Variants in C1orf159 observed in about 807,000 individuals in gnomAD.
C1orf159 encodes chromosome 1 open reading frame 159.
A neutral mutation model predicts 25.6 loss-of-function variants in C1orf159; 19 were observed. The ratio of observed to expected loss-of-function variants is 0.74; its 90% confidence interval spans 0.52 to 1.09. The LOEUF (loss-of-function observed/expected upper bound fraction) is 1.09. Among genes scored for constraint, C1orf159 ranks in the 50% least tolerant of loss-of-function variants. The pLI is 0.00. For synonymous variants in C1orf159, 139 were observed against 124.7 expected, an observed-to-expected ratio of 1.12 and a Z score of -0.77; for missense variants, 274 against 290.6, an observed-to-expected ratio of 0.94 and a Z score of 0.42.
rs564247458 is a variant in C1orf159, at chr1:1,106,801, C to T, written c.-136+9259G>A. The T allele has an allele frequency of 1.8e-3, 279 of 153,022 alleles. 2 individuals are homozygous for T. Among genetic ancestry groups the T allele is most frequent in the Non-Finnish European group, 3.4e-3 (234 of 68,632 alleles). The allele number at this position is 153,022 out of a possible 1,614,324, so 9.5% of individuals were successfully genotyped here. On this transcript the variant is annotated intron_variant, in intron 1 of 9. Transcript: ENST00000421241. Reference sequence around the variant, plus strand: ...GGAGGTGTGGAGGGAGAGCTGCAGGCGGGAACCGGGGCTGCATGCAGCGTG... The same window carrying T: ...GGAGGTGTGGAGGGAGAGCTGCAGGTGGGAACCGGGGCTGCATGCAGCGTG...
chr1:1,105,725 CA>C (rs1393938632), intron 1 of C1orf159, among the ~76,000 whole-genome samples: 1 of 144,340 alleles, frequency 6.9e-6, no homozygotes, highest in Non-Finnish European at 1.5e-5. Flanking sequence ...ACTTAAAACA[CA>C]AAAAAATTAG....
At chr1:1,099,092 G>A (rs549140997) in intron 1 of C1orf159, among the ~76,000 whole-genome samples, 168 of 128,224 alleles carry the variant, frequency 1.3e-3, no homozygotes, top group Non-Finnish European at 2.1e-3. Context: ...TCTAAGAATC[G>A]GAGAGAGAGA....
At chr1:1,098,172 G>A (rs773281771) in intron 1 of C1orf159, among the ~76,000 whole-genome samples, 2 of 151,898 alleles carry the variant, frequency 1.3e-5, no homozygotes, top group Non-Finnish European at 2.9e-5. Flanking sequence ...GGGTTTTTAA[G>A]CAATTCTCTG....
rs765047495 is a variant in C1orf159, at chr1:1,082,946, T to C, written c.544A>G (p.Arg182Gly). 2.6e-5 allele frequency: 42 copies of C among 1,604,074 alleles called. No homozygotes were observed. The highest frequency in any genetic ancestry group is 5.1e-5 in the Admixed American group (3 of 59,134). ...RYVRRERPLD[R>G]ATDPAAFPGE... ...GGGAAGGCAGCGGGATCCGTGGCCC[T>C]GTCCAGGGGCCGCTCCCGCCTGACG... is the stretch of plus-strand genomic sequence containing the variant. Residue 182 changes from arginine to glycine, a missense_variant, in exon 10 of 10, where the codon AGG becomes GGG. Transcript: ENST00000421241.
At chr1:1,103,537 G>A (rs1051949557) in intron 1 of C1orf159, among the ~76,000 whole-genome samples, 79 of 152,274 alleles carry the variant, frequency 5.2e-4, no homozygotes, top group African/African-American at 1.7e-3. Flanking sequence ...TGCGGTGAGC[G>A]GTGGCTCAGG....
At chr1:1,093,720 C>A (rs1407256345) in intron 1 of C1orf159, among the ~76,000 whole-genome samples, 1 of 152,270 alleles carries the variant, frequency 6.6e-6, no homozygotes, top group Non-Finnish European at 1.5e-5. Context: ...GCCTGGGCTG[C>A]TCCCAGTTCC....
chr1:1,107,304 C>G (rs888275324), intron 1 of C1orf159, among the ~76,000 whole-genome samples: 1 of 152,214 alleles, frequency 6.6e-6, no homozygotes, highest in Non-Finnish European at 1.5e-5. Flanking sequence ...GTGTCTAGCT[C>G]AGGGTTTGTG....
intron 3 of C1orf159, 162 bp downstream of exon 3, chr1:1,091,310 G>A (rs757098674): frequency 1.7e-5 from 13 of 768,478 alleles, no homozygotes; most frequent in South Asian, 4.8e-5. Context: ...CCTCTGCGAG[G>A]CACAGGCCCC....
intron 1 of C1orf159, among the ~76,000 whole-genome samples, chr1:1,102,056 A>G (rs1281736811): frequency 6.9e-6 from 1 of 144,284 alleles, no homozygotes; most frequent in Non-Finnish European, 1.5e-5. Context: ...GGGCGACAAC[A>G]GCAAAACTCT....
At chr1:1,095,061 A>G (rs2100755779) in intron 1 of C1orf159, among the ~76,000 whole-genome samples, 1 of 152,338 alleles carries the variant, frequency 6.6e-6, no homozygotes, top group South Asian at 2.1e-4. Flanking sequence ...CAGTCTTTCT[A>G]TTCTGTTCCA....
chr1:1,112,962 G>A (rs935744175), intron 1 of C1orf159, among the ~76,000 whole-genome samples: 1 of 152,220 alleles, frequency 6.6e-6, no homozygotes, highest in Non-Finnish European at 1.5e-5. Context: ...TTGGGAGGCT[G>A]AGGTGGGTGG....
In C1orf159 at chr1:1,086,032, A is replaced by C; in HGVS notation, c.311-20T>G. 3.7e-6 allele frequency: 6 copies of C among 1,612,032 alleles called. No homozygotes were observed. The highest frequency in any genetic ancestry group is 5.1e-6 in the Non-Finnish European group (6 of 1,179,536). On this transcript the variant is annotated intron_variant, in intron 6 of 9. Transcript: ENST00000421241. The stretch of plus-strand genomic sequence containing the variant: ...GAGCCCCTGCAAACAGACACCGCTG[A>C]GCAGACGGGCAGGACGGTGGCCCTG...
intron 4 of C1orf159, among the ~76,000 whole-genome samples, chr1:1,088,397 T>G: frequency 1.7e-5 from 2 of 119,480 alleles, no homozygotes; most frequent in African/African-American, 3.3e-5. Context: ...GCACCCCGTG[T>G]TCCCTCATGC....
At chr1:1,105,462 C>T (rs1008763502) in intron 1 of C1orf159, among the ~76,000 whole-genome samples, 1 of 151,892 alleles carries the variant, frequency 6.6e-6, no homozygotes, top group African/African-American at 2.4e-5. Flanking sequence ...GCCGAGATCG[C>T]GCCACCACAC....
intron 2 of C1orf159, 189 bp from the exon 3 acceptor site, chr1:1,091,754 G>A (rs1329528530): frequency 1.8e-4 from 84 of 473,618 alleles, no homozygotes; most frequent in African/African-American, 9.8e-4. Context: ...CGGGGCTGTG[G>A]TGGAGGGTGG....
intron 1 of C1orf159, among the ~76,000 whole-genome samples, chr1:1,109,033 G>T (rs58889389): frequency 9.9e-6 from 1 of 101,232 alleles, no homozygotes; most frequent in Non-Finnish European, 1.9e-5. Flanking sequence ...ACCATGTCTC[G>T]GCAGCACCGT....
At chr1:1,090,733 T>C in intron 3 of C1orf159, 3 of 803,708 alleles carry the variant, frequency 3.7e-6, no homozygotes, top group Non-Finnish European at 6.3e-6. Flanking sequence ...ACCGACATTC[T>C]CTGCAAGTCT....
intron 1 of C1orf159, among the ~76,000 whole-genome samples, chr1:1,107,568 G>C (rs1217876884): frequency 6.6e-6 from 1 of 152,182 alleles, no homozygotes; most frequent in Non-Finnish European, 1.5e-5. Flanking sequence ...ATCATTCTGT[G>C]TCTAGCTCAG....
At chr1:1,103,678 T>C (rs894268311) in intron 1 of C1orf159, among the ~76,000 whole-genome samples, 1 of 152,182 alleles carries the variant, frequency 6.6e-6, no homozygotes, top group African/African-American at 2.4e-5. Flanking sequence ...TATGGGTGCC[T>C]AGCTCCTTCC....
Sources: gnomAD v4.1 joint callset for allele counts (sites outside exome capture counted in the v4.1 genomes callset) on GRCh38, gnomAD v4.1.1 for gene constraint, MANE v1.5 for transcripts, NCBI Gene and HGNC (gene_info 2026-07-23, HGNC 2026-07-21) for gene names.